SMUG1: variants seen among roughly 807,000 people sequenced by gnomAD.
SMUG1 encodes the protein single-strand selective monofunctional uracil DNA glycosylase.
Under a neutral mutation model 23.9 loss-of-function variants are expected in SMUG1, and 13 were observed. That is an observed-to-expected ratio of 0.54 (90% confidence interval 0.35 to 0.86). SMUG1 has a LOEUF of 0.86. Among genes scored for constraint, SMUG1 ranks in the 40% least tolerant of loss-of-function variants. The pLI is 0.01. For synonymous variants in SMUG1, 133 were observed against 139.8 expected, an observed-to-expected ratio of 0.95 and a Z score of 0.34; for missense variants, 313 against 339.5, an observed-to-expected ratio of 0.92 and a Z score of 0.61.
At chr12:54,177,273 T>A (rs1231802399), downstream of SMUG1, among the ~76,000 whole-genome samples, 1 of 152,150 alleles carries the variant, frequency 6.6e-6, no homozygotes, top group Non-Finnish European at 1.5e-5. Flanking sequence ...ACCTCACAAA[T>A]CAAAATATCT....
intron 3 of SMUG1, chr12:54,183,148 C>A: frequency 5.1e-6 from 1 of 195,622 alleles, no homozygotes; most frequent in Non-Finnish European, 1.0e-5. Flanking sequence ...TGCCAAGCAC[C>A]CCCACTGGGG....
chr12:54,179,420 A>G (rs1212833773), downstream of SMUG1, among the ~76,000 whole-genome samples: 2 of 152,100 alleles, frequency 1.3e-5, no homozygotes, highest in Non-Finnish European at 2.9e-5. Context: ...TTTCCATTAT[A>G]TATTTCCTCA....
At chr12:54,184,456 G>A (rs1941862654) in intron 2 of SMUG1, among the ~76,000 whole-genome samples, 1 of 152,204 alleles carries the variant, frequency 6.6e-6, no homozygotes, top group South Asian at 2.1e-4. Context: ...TAGCTTCCAG[G>A]TGGTGAGCGA....
chr12:54,163,269 T>TC (rs1012304995), downstream of SMUG1: 3 of 152,160 alleles, frequency 2.0e-5, no homozygotes, highest in African/African-American at 7.2e-5. Context: ...TAGGCCAGGT[T>TC]CCCTGAAGCC....
At chr12:54,179,724 G>A (rs905663975), downstream of SMUG1, among the ~76,000 whole-genome samples, 7 of 152,000 alleles carry the variant, frequency 4.6e-5, no homozygotes, top group African/African-American at 1.7e-4. Context: ...TGACCAACTG[G>A]CTATAAATTC....
intron 3 of SMUG1, 187 bp from the exon 4 acceptor site, chr12:54,182,810 C>T (rs1005601383): frequency 8.3e-7 from 1 of 1,206,272 alleles, no homozygotes; most frequent in East Asian, 2.6e-5. Flanking sequence ...TTTTCCAGTT[C>T]TTCATTGTGA....
chr12:54,177,323 G>A (rs539854591), downstream of SMUG1, among the ~76,000 whole-genome samples: 9 of 152,202 alleles, frequency 5.9e-5, no homozygotes, highest in South Asian at 1.2e-3. Flanking sequence ...AACCTCCACC[G>A]GTTAATTCGG....
chr12:54,188,295 AAATAATAATAATAATAAT>A lies in SMUG1; in HGVS notation c.-103-411_-103-394del, dbSNP rs757369651. ...TAATAATAATAATAATAATAATAAT[AAATAATAATAATAATAAT>A]AATAATAATAATAATAATAATAATA... On this transcript the variant is annotated intron_variant, in intron 1 of 3. Transcript: ENST00000682136. 1.3e-3 allele frequency among the ~76,000 whole-genome samples: 88 copies of A among 68,898 alleles called. 1 individual carries two copies. The South Asian group carries it at 0.022, about 17-fold the overall frequency. 45.2% of individuals were successfully genotyped at this position (68,898 alleles called of 152,430 possible). A position where few individuals can be genotyped will look rare whatever the true frequency, so the allele number is the denominator to read the frequency against.
Position 54,182,158 on chromosome 12 carries a change from A to G in SMUG1, c.751T>C (p.Trp251Arg), listed in dbSNP as rs761451265. The G allele has an allele frequency of 2.5e-6, 4 of 1,596,828 alleles. No homozygotes were observed. In the South Asian group the frequency reaches 4.5e-5, roughly 18 times the overall value. Residue 251 changes from tryptophan to arginine, a missense_variant, in exon 4 of 4, where the codon TGG (tryptophan) becomes CGG (arginine). Physicochemically the swap from Trp to Arg is moderately radical, Grantham distance 101 (BLOSUM62 -3). Coordinates refer to ENST00000682136, the MANE Select transcript of SMUG1 (RefSeq NM_001243787.2). ...AATCTTTCCTTGGCCACTGCCTCCC[A>G]GCCCTTGTTGGCCTGTGGGTTACGG... ...SPRNPQANKG[W>R]EAVAKERLNE... is the part of the protein sequence containing the mutation.
At position 54,182,164 on chromosome 12, in the gene SMUG1, T is replaced by C. The variant is rs867691450; in HGVS notation, c.745A>G (p.Lys249Glu). Residue 249 changes from lysine to glutamate, a missense_variant, in exon 4 of 4, where the codon AAG becomes GAG. Lys to Glu is a moderately conservative substitution (Grantham distance 56). Transcript: ENST00000682136. Reference protein sequence around the residue: ...HPSPRNPQANKGWEAVAKERL... With the variant: ...HPSPRNPQANEGWEAVAKERL... The stretch of plus-strand genomic sequence containing the variant: ...TCCTTGGCCACTGCCTCCCAGCCCT[T>C]GTTGGCCTGTGGGTTACGGGGAGAG... The C allele has an allele frequency of 6.2e-7, 1 of 1,601,794 alleles. No individual in the cohort carries two copies. The highest frequency in any genetic ancestry group is 1.3e-5 in the African/African-American group (1 of 74,746).
At chr12:54,159,744 C>A (rs939449872) in intron 4 of SMUG1, among the ~76,000 whole-genome samples, 1 of 152,118 alleles carries the variant, frequency 6.6e-6, no homozygotes, top group African/African-American at 2.4e-5. Context: ...GAGGAAGTGT[C>A]GGTGCAGGTG....
chr12:54,178,225 G>A (rs546980750), downstream of SMUG1, among the ~76,000 whole-genome samples: 3 of 152,244 alleles, frequency 2.0e-5, no homozygotes, highest in Admixed American at 2.0e-4. Context: ...TGGTAGTTTT[G>A]TCATGGCAGC....
At chr12:54,188,270 TAATAATAATAATAATAATAATAATA>T (rs202186609) in intron 1 of SMUG1, among the ~76,000 whole-genome samples, 2,350 of 31,022 alleles carry the variant, frequency 0.076, 18 homozygotes, top group East Asian at 0.15. Context: ...TTAAACGAAA[TAATAATAATAATAATAATAATAATA>T]AATAATAATA....
chr12:54,181,685 T>C lies in SMUG1; in HGVS notation c.*411A>G, dbSNP rs751106121. On this transcript the variant is annotated 3_prime_UTR_variant, in exon 4 of 4. Coordinates refer to ENST00000682136, the MANE Select transcript of SMUG1 (RefSeq NM_001243787.2). ...GGGTCAGCTAAAGGTAACTGTTCTA[T>C]AAGGATGGGTAGGTATCCTGGCAAG... The C allele has an allele frequency of 1.1e-5, 18 of 1,577,476 alleles. 1 individual carries two copies. The South Asian group carries it at 1.9e-4, about 17-fold the overall frequency.
chr12:54,183,918 C>G lies in SMUG1; in HGVS notation c.23G>C (p.Gly8Ala). Residue 8 changes from glycine to alanine, a missense_variant, in exon 3 of 4, where the codon GGG (glycine) becomes GCG (alanine). Gly to Ala is a moderately conservative substitution (Grantham distance 60, BLOSUM62 0). Coordinates refer to ENST00000682136, the MANE Select transcript of SMUG1 (RefSeq NM_001243787.2). MPQAFLL[G>A]SIHEPAGALM... is the part of the protein sequence containing the mutation. ...GGCACCTGCAGGCTCATGGATGGAC[C>G]CCAGCAGGAAAGCCTGGGGCATATG... is the stretch of plus-strand genomic sequence containing the variant. 1.9e-6 allele frequency: 3 copies of G among 1,585,634 alleles called. No homozygotes were observed. The highest frequency in any genetic ancestry group is 1.7e-6 in the Non-Finnish European group (2 of 1,165,848).
chr12:54,181,645 T>C lies in SMUG1; in HGVS notation c.*451A>G, dbSNP rs1031962087. The stretch of plus-strand genomic sequence containing the variant: ...TTTCATGTCCCATGCTTTGTCTTGG[T>C]CCCTGTGAGGAAAGGGGTCAGCTAA... On this transcript the variant is annotated 3_prime_UTR_variant, in exon 4 of 4. Coordinates refer to ENST00000682136, the MANE Select transcript of SMUG1 (RefSeq NM_001243787.2). 6.3e-7 allele frequency: 1 copy of C among 1,589,442 alleles called. No individual in the cohort carries two copies. The highest frequency in any genetic ancestry group is 8.5e-7 in the Non-Finnish European group (1 of 1,175,516).
chr12:54,161,767 C>T (rs1218770947), downstream of SMUG1, among the ~76,000 whole-genome samples: 1 of 152,222 alleles, frequency 6.6e-6, no homozygotes, highest in African/African-American at 2.4e-5. This position sits in a 1 kb window ranked among gnomAD's most constrained non-coding sequence, Gnocchi z 4.2. Context: ...AGGAGGGACC[C>T]TGATCCCACC....
At position 54,183,685 on chromosome 12, in the gene SMUG1, G is replaced by C. The variant is rs770348229; in HGVS notation, c.256C>G (p.Pro86Ala). ...PKEVLFLGMN[P>A]GPFGMAQTGV... Reference sequence around the variant, plus strand: ...GTCTGGGCCATGCCAAAAGGTCCAGGGTTCATGCCCAGGAAGAGTACTTCC... The same window carrying C: ...GTCTGGGCCATGCCAAAAGGTCCAGCGTTCATGCCCAGGAAGAGTACTTCC... The change falls in exon 3 of 4, where the codon CCT becomes GCT. Residue 86 changes from proline to alanine, a missense_variant. Pro to Ala is a conservative substitution (Grantham distance 27, BLOSUM62 -1). Coordinates refer to ENST00000682136, the MANE Select transcript of SMUG1 (RefSeq NM_001243787.2). The C allele has an allele frequency of 4.5e-5, 72 of 1,613,836 alleles. No individual in the cohort carries two copies. Among genetic ancestry groups the C allele is most frequent in the Non-Finnish European group, 5.8e-5 (68 of 1,179,972 alleles).
At chr12:54,184,501 C>T (rs570080668) in intron 2 of SMUG1, among the ~76,000 whole-genome samples, 2 of 152,340 alleles carry the variant, frequency 1.3e-5, no homozygotes, top group East Asian at 1.9e-4. Flanking sequence ...TTGATCCTCA[C>T]AACAATCCCA....
Sources: gnomAD v4.1 joint callset for allele counts (sites outside exome capture counted in the v4.1 genomes callset) on GRCh38, gnomAD v4.1.1 for gene constraint, Gnocchi (gnomAD v3.1) non-coding constraint, MANE v1.5 for transcripts, NCBI Gene and HGNC (gene_info 2026-07-23, HGNC 2026-07-21) for gene names.